The following CSMD3 variants were observed in gnomAD, a reference collection of about 807,000 sequenced individuals.
CSMD3 encodes the protein CUB and sushi domain-containing protein 3.
Under a neutral mutation model 435.2 loss-of-function variants are expected in CSMD3, and 177 were observed. The ratio of observed to expected loss-of-function variants is 0.41; its 90% CI spans 0.36 to 0.46. The LOEUF is 0.46. Ranked by LOEUF, CSMD3 falls within the 20% of genes least tolerant of loss-of-function variation. The pLI is 0.34. For missense variants in CSMD3, 4,265 were observed against 4,504.6 expected, an observed-to-expected ratio of 0.95 and a Z score of 1.52; for synonymous variants, 1,656 against 1,520.5, an observed-to-expected ratio of 1.09 and a Z score of -2.07.
intron 1 of CSMD3, 65 bp downstream of exon 1, chr8:113,436,612 C>G: frequency 3.5e-6 from 5 of 1,426,182 alleles, no homozygotes; most frequent in Non-Finnish European, 5.0e-6. Flanking sequence ...AGCTGCCAGC[C>G]TCTCTCCATC....
intron 4 of CSMD3, among the ~76,000 whole-genome samples, chr8:113,101,137 C>T (rs1457753761): frequency 1.3e-5 from 2 of 152,136 alleles, no homozygotes; most frequent in Admixed American, 6.6e-5. Flanking sequence ...CTCATAGGCC[C>T]TTTCATGGGC....
intron 63 of CSMD3, among the ~76,000 whole-genome samples, chr8:112,253,547 C>T (rs1815474150): frequency 6.6e-6 from 1 of 151,972 alleles, no homozygotes; most frequent in African/African-American, 2.4e-5. Context: ...CCCGGCAACA[C>T]AGGGCAATTG....
chr8:112,335,496 A>G (rs1824471626), intron 44 of CSMD3, 22 bp from the exon 45 acceptor site: 1 of 1,611,034 alleles, frequency 6.2e-7, no homozygotes, highest in East Asian at 2.2e-5. Flanking sequence ...GGATTGGGAA[A>G]GGAGGAGAGA....
chr8:113,422,333 A>C (rs1201716040), intron 1 of CSMD3, among the ~76,000 whole-genome samples: 1 of 152,212 alleles, frequency 6.6e-6, no homozygotes, highest in Non-Finnish European at 1.5e-5. Context: ...GGGGTTTAAA[A>C]AGTACATGAT....
chr8:113,239,654 G>A (rs187859979), intron 3 of CSMD3, among the ~76,000 whole-genome samples: 1 of 152,138 alleles, frequency 6.6e-6, no homozygotes, highest in Non-Finnish European at 1.5e-5. Flanking sequence ...TTGGAAATGG[G>A]TAATGAGTAG....
intron 10 of CSMD3, among the ~76,000 whole-genome samples, chr8:112,893,553 T>C (rs529326172): frequency 2.0e-5 from 3 of 151,650 alleles, no homozygotes; most frequent in African/African-American, 7.2e-5. Flanking sequence ...TCCAGGTCAC[T>C]TGGTCAGGAA....
intron 65 of CSMD3, among the ~76,000 whole-genome samples, chr8:112,242,078 G>A (rs956714664): frequency 1.3e-5 from 2 of 152,080 alleles, no homozygotes; most frequent in Admixed American, 6.6e-5. Context: ...TTATTTTAGA[G>A]GCATAAGCCA....
At chr8:112,600,849 A>T (rs980446148) in intron 22 of CSMD3, among the ~76,000 whole-genome samples, 2 of 151,592 alleles carry the variant, frequency 1.3e-5, no homozygotes, top group African/African-American at 4.8e-5. Flanking sequence ...AGCTAATTTT[A>T]TGTATTTTTA....
At chr8:112,295,050 C>T (rs763285983) in intron 54 of CSMD3, among the ~76,000 whole-genome samples, 1 of 152,056 alleles carries the variant, frequency 6.6e-6, no homozygotes, top group Non-Finnish European at 1.5e-5. Flanking sequence ...TCTATCACTC[C>T]TCTGCTACTC....
At chr8:112,795,181 C>CA (rs1173174583) in intron 13 of CSMD3, among the ~76,000 whole-genome samples, 5 of 151,932 alleles carry the variant, frequency 3.3e-5, no homozygotes, top group Non-Finnish European at 7.4e-5. Context: ...AAAACCAACA[C>CA]AAAAAGAAAC....
chr8:112,954,093 G>A (rs1484341651), intron 8 of CSMD3, among the ~76,000 whole-genome samples: 1 of 151,354 alleles, frequency 6.6e-6, no homozygotes, highest in Non-Finnish European at 1.5e-5. Context: ...CTGAGATTTT[G>A]GGATGAACTT....
chr8:113,300,076 C>T (rs574339908), intron 2 of CSMD3, among the ~76,000 whole-genome samples: 7 of 150,246 alleles, frequency 4.7e-5, no homozygotes, highest in African/African-American at 1.7e-4. Context: ...ACTGTTTGAA[C>T]CCAGGAGGCG....
chr8:112,867,835 A>C (rs967067850), intron 10 of CSMD3, among the ~76,000 whole-genome samples: 2 of 152,108 alleles, frequency 1.3e-5, no homozygotes, highest in African/African-American at 4.8e-5. Flanking sequence ...GTTACCATAC[A>C]CTAATGCAGA....
intron 1 of CSMD3, among the ~76,000 whole-genome samples, chr8:113,330,177 TGAG>T (rs1245737086): frequency 1.3e-5 from 2 of 152,150 alleles, no homozygotes; most frequent in South Asian, 4.1e-4. Context: ...ACTATAAAAA[TGAG>T]GAGGGAATGA....
At chr8:112,663,459 G>C (rs1366234819) in intron 17 of CSMD3, among the ~76,000 whole-genome samples, 2 of 135,234 alleles carry the variant, frequency 1.5e-5, no homozygotes, top group Non-Finnish European at 3.1e-5. Context: ...ACACAGGAAG[G>C]GGAACATCAC....
chr8:113,139,886 C>T (rs1287650423), intron 4 of CSMD3, among the ~76,000 whole-genome samples: 1 of 150,884 alleles, frequency 6.6e-6, no homozygotes, highest in African/African-American at 2.4e-5. Context: ...AAATATTTAT[C>T]AATGGAAAAC....
intron 7 of CSMD3, among the ~76,000 whole-genome samples, chr8:112,960,110 A>C (rs1384031769): frequency 6.6e-6 from 1 of 151,818 alleles, no homozygotes; most frequent in Non-Finnish European, 1.5e-5. Context: ...TAACTGTATA[A>C]AGATGACTTT....
intron 10 of CSMD3, among the ~76,000 whole-genome samples, chr8:112,904,891 A>C (rs1358755467): frequency 6.6e-6 from 1 of 151,450 alleles, no homozygotes; most frequent in Admixed American, 6.6e-5. Flanking sequence ...TAAAGTAGAC[A>C]CTGATGTTGA....
chr8:112,821,473 C>G (rs1244165606), intron 12 of CSMD3, among the ~76,000 whole-genome samples: 1 of 151,884 alleles, frequency 6.6e-6, no homozygotes, highest in African/African-American at 2.4e-5. Flanking sequence ...TGTTCATGTC[C>G]TTGACCCACT....
Sources: gnomAD v4.1 joint callset for allele counts (sites outside exome capture counted in the v4.1 genomes callset) on GRCh38, gnomAD v4.1.1 for gene constraint, MANE v1.5 for transcripts, NCBI Gene and HGNC (gene_info 2026-07-23, HGNC 2026-07-21) for gene names.